Variants in STX8 observed in about 807,000 individuals in gnomAD.
STX8 encodes the protein syntaxin 8, also known as syntaxin-8.
In STX8, 23 loss-of-function variants were observed where a neutral mutation model predicts 37.5. The observed-to-expected ratio is 0.61, with a 90% CI of 0.44 to 0.87. The LOEUF (loss-of-function observed/expected upper bound fraction) is 0.87, where lower values mean the gene tolerates loss of function less well. Among genes scored for constraint, STX8 ranks in the 40% least tolerant of loss-of-function variants. The pLI, the probability that STX8 is intolerant of heterozygous loss-of-function variation, is 0.00. For synonymous variants in STX8, 115 were observed against 99.1 expected, an observed-to-expected ratio of 1.16 and a Z score of -0.95; for missense variants, 313 against 284.7, an observed-to-expected ratio of 1.10 and a Z score of -0.71.
chr17:9,430,225 T>C (rs1009491970), intron 6 of STX8, among the ~76,000 whole-genome samples: 4 of 132,320 alleles, frequency 3.0e-5, no homozygotes, highest in Non-Finnish European at 6.2e-5. Context: ...AAATAAAATA[T>C]ATATTATATA....
chr17:9,283,629 C>A (rs151009931), intron 7 of STX8, among the ~76,000 whole-genome samples: 2 of 152,270 alleles, frequency 1.3e-5, no homozygotes, highest in South Asian at 2.1e-4. Context: ...ACCATGAGAA[C>A]TTGGAATGTG....
chr17:9,252,968 C>T (rs571926576), intron 7 of STX8, among the ~76,000 whole-genome samples: 66 of 152,332 alleles, frequency 4.3e-4, no homozygotes, highest in Admixed American at 7.2e-4. Flanking sequence ...AAACCGTTTA[C>T]GACCTGGCCT....
chr17:9,550,677 T>C (rs1448726560), intron 3 of STX8, among the ~76,000 whole-genome samples: 1 of 152,234 alleles, frequency 6.6e-6, no homozygotes, highest in East Asian at 1.9e-4. Flanking sequence ...TGTAGCCTGG[T>C]GAGCATTTGA....
intron 7 of STX8, among the ~76,000 whole-genome samples, chr17:9,259,899 CAATAAT>C (rs1037641524): frequency 6.6e-6 from 1 of 152,026 alleles, no homozygotes; most frequent in African/African-American, 2.4e-5. Flanking sequence ...GCATAAATAA[CAATAAT>C]AATAATGACG....
In STX8 at chr17:9,336,343, C is replaced by T. The variant is rs1040165870; in HGVS notation, c.643+42209G>A. ...CCATGCCAGGAATGAGGAAAATAGACAATACTTTAGATTTCTTTCCTTTCT... is the reference window on the plus strand; with the variant it reads ...CCATGCCAGGAATGAGGAAAATAGATAATACTTTAGATTTCTTTCCTTTCT... On this transcript the variant is annotated intron_variant, in intron 7 of 7. Transcript: ENST00000306357. 2.8e-4 allele frequency among the ~76,000 whole-genome samples: 42 copies of T among 152,096 alleles called. 1 individual carries two copies. The highest frequency in any genetic ancestry group is 1.0e-3 in the African/African-American group (42 of 41,416).
intron 1 of STX8, among the ~76,000 whole-genome samples, chr17:9,570,505 T>C (rs1026303187): frequency 7.2e-5 from 11 of 152,076 alleles, no homozygotes; most frequent in African/African-American, 2.7e-4. Context: ...ATATATACTA[T>C]ATATTCGTAT....
At chr17:9,395,557 G>A (rs1330544992) in intron 6 of STX8, among the ~76,000 whole-genome samples, 1 of 152,172 alleles carries the variant, frequency 6.6e-6, no homozygotes, top group Non-Finnish European at 1.5e-5. Context: ...CAGCCTGGGA[G>A]ACGGAGCAAG....
chr17:9,350,522 T>TG (rs1194913067), intron 7 of STX8, among the ~76,000 whole-genome samples: 2 of 151,992 alleles, frequency 1.3e-5, no homozygotes, highest in African/African-American at 4.8e-5. Context: ...TAAAGTGTTT[T>TG]TTTTTTTGTT....
At chr17:9,456,656 T>C (rs1482272067) in intron 6 of STX8, among the ~76,000 whole-genome samples, 1 of 152,178 alleles carries the variant, frequency 6.6e-6, no homozygotes, top group Non-Finnish European at 1.5e-5. Flanking sequence ...TCTGCTGAAA[T>C]GTTATTTCAG....
chr17:9,362,067 A>C (rs1257415843), intron 7 of STX8, among the ~76,000 whole-genome samples: 1 of 152,258 alleles, frequency 6.6e-6, no homozygotes, highest in East Asian at 1.9e-4. Context: ...GCAGTGGCTC[A>C]TGCCTGTAAT....
intron 4 of STX8, among the ~76,000 whole-genome samples, chr17:9,506,681 A>G (rs1904850839): frequency 6.6e-6 from 1 of 151,996 alleles, no homozygotes; most frequent in Non-Finnish European, 1.5e-5. Flanking sequence ...GCCACTGCAA[A>G]CACCTACAGT....
At chr17:9,509,028 C>A (rs1035130312) in intron 4 of STX8, among the ~76,000 whole-genome samples, 6 of 152,172 alleles carry the variant, frequency 3.9e-5, no homozygotes, top group Non-Finnish European at 8.8e-5. Context: ...GCTGGCAGAT[C>A]ACGATGTCAG....
In STX8 at chr17:9,532,814, A is replaced by G. The variant is rs181191531; in HGVS notation, c.323+12358T>C. 9.5e-3 allele frequency among the ~76,000 whole-genome samples: 1,440 copies of G among 152,230 alleles called. 4 individuals are homozygous for G. Among genetic ancestry groups the G allele is most frequent in the Non-Finnish European group, 0.015 (1,000 of 68,008 alleles). On this transcript the variant is annotated intron_variant, in intron 4 of 7. Coordinates refer to ENST00000306357, the MANE Select transcript of STX8 (RefSeq NM_004853.3). ...CAAGAAAAACATGGTCACTGTACAC[A>G]TTATATGGCTGGTATCAGACCATTA...
chr17:9,441,967 C>CATGGCTTTG (rs1282786140), intron 6 of STX8, among the ~76,000 whole-genome samples: 1 of 152,040 alleles, frequency 6.6e-6, no homozygotes, highest in Non-Finnish European at 1.5e-5. Context: ...CGCCTGGCAC[C>CATGGCTTTG]ATGGCTTTGA....
rs374442962 is a variant in STX8 at position 9,519,525 on chromosome 17, C to T, written c.324-14363G>A. On this transcript the variant is annotated intron_variant, in intron 4 of 7. Transcript: ENST00000306357. ...TACAACATGGTTACAGCCTTCTGAT[C>T]GGTCTCCTTGTCCCCAGTTACCCTC... 1.2e-4 allele frequency among the ~76,000 whole-genome samples: 19 copies of T among 152,248 alleles called. No homozygotes were observed. The East Asian group carries it at 1.5e-3, about 12-fold the overall frequency.
intron 6 of STX8, among the ~76,000 whole-genome samples, chr17:9,446,130 G>A (rs951760434): frequency 5.9e-5 from 9 of 152,048 alleles, no homozygotes; most frequent in South Asian, 2.1e-4. Context: ...GCCACTGTGC[G>A]TGGCCTCCTT....
chr17:9,254,025 G>A (rs1294332038), intron 7 of STX8, among the ~76,000 whole-genome samples: 1 of 152,142 alleles, frequency 6.6e-6, no homozygotes, highest in Non-Finnish European at 1.5e-5. Context: ...CTCCACGATG[G>A]AACTACAGCA....
At chr17:9,477,430 T>A (rs1289551593) in intron 6 of STX8, among the ~76,000 whole-genome samples, 1 of 152,182 alleles carries the variant, frequency 6.6e-6, no homozygotes, top group Non-Finnish European at 1.5e-5. Flanking sequence ...CACCATTTTT[T>A]AAAGTTCTAA....
chr17:9,365,462 A>G (rs1433459113), intron 7 of STX8, among the ~76,000 whole-genome samples: 1 of 152,290 alleles, frequency 6.6e-6, no homozygotes, highest in Non-Finnish European at 1.5e-5. Context: ...TTTGGGACAA[A>G]GAACATGTAG....
Sources: allele counts gnomAD v4.1 joint callset (sites outside exome capture counted in the v4.1 genomes callset), GRCh38; gene constraint gnomAD v4.1.1; transcripts MANE v1.5; gene names NCBI Gene and HGNC (gene_info 2026-07-23, HGNC 2026-07-21).